CSRNP3: variants seen among roughly 807,000 people sequenced by gnomAD.
The protein encoded by CSRNP3 is cysteine/serine-rich nuclear protein 3.
In CSRNP3, 12 loss-of-function variants were observed where a neutral mutation model predicts 48.0. That is an observed-to-expected ratio of 0.25 (90% CI 0.16 to 0.41). The LOEUF is 0.41. Ranked by LOEUF, CSRNP3 falls within the 10% of genes least tolerant of loss-of-function variation. CSRNP3 has a pLI of 1.00. For missense variants in CSRNP3, 580 were observed against 724.4 expected, an observed-to-expected ratio of 0.80 and a Z score of 2.29; for synonymous variants, 263 against 269.7, an observed-to-expected ratio of 0.98 and a Z score of 0.24.
chr2:165,534,108 T>C (rs1684851721), intron 3 of CSRNP3, among the ~76,000 whole-genome samples: 1 of 152,070 alleles, frequency 6.6e-6, no homozygotes, highest in African/African-American at 2.4e-5. Context: ...AAAGGTTGTA[T>C]TGCTTTCTCA....
chr2:165,516,489 T>C (rs1417681098), intron 2 of CSRNP3, among the ~76,000 whole-genome samples: 1 of 152,128 alleles, frequency 6.6e-6, no homozygotes, highest in Non-Finnish European at 1.5e-5. Context: ...GATAACTATA[T>C]GAGGTAGTAT....
At chr2:165,653,327 A>C (rs2105343456) in intron 4 of CSRNP3, among the ~76,000 whole-genome samples, 1 of 152,304 alleles carries the variant, frequency 6.6e-6, no homozygotes, top group East Asian at 1.9e-4. Context: ...TGTTATGTAT[A>C]ATATGCAAAT....
At chr2:165,662,377 C>T (rs1461865889) in intron 5 of CSRNP3, among the ~76,000 whole-genome samples, 1 of 151,998 alleles carries the variant, frequency 6.6e-6, no homozygotes, top group Non-Finnish European at 1.5e-5. Context: ...CAAACATTGT[C>T]TATAAACAAC....
chr2:165,534,542 A>G (rs913211495), intron 3 of CSRNP3, among the ~76,000 whole-genome samples: 1 of 151,978 alleles, frequency 6.6e-6, no homozygotes, highest in Admixed American at 6.6e-5. Context: ...ACAGGTGCAT[A>G]GAGAATGTTC....
At chr2:165,599,286 A>G (rs1269830195) in intron 4 of CSRNP3, among the ~76,000 whole-genome samples, 1 of 80,610 alleles carries the variant, frequency 1.2e-5, no homozygotes, top group Non-Finnish European at 3.2e-5. Flanking sequence ...AGAGAGAGAG[A>G]AAGAAAGAAA....
At chr2:165,668,217 C>T (rs1316296718) in intron 5 of CSRNP3, among the ~76,000 whole-genome samples, 1 of 152,016 alleles carries the variant, frequency 6.6e-6, no homozygotes, top group African/African-American at 2.4e-5. Context: ...AAGAGTAATA[C>T]GTTAGCTCAA....
chr2:165,637,018 G>C (rs534736799), intron 4 of CSRNP3, among the ~76,000 whole-genome samples: 81 of 152,202 alleles, frequency 5.3e-4, no homozygotes, highest in African/African-American at 1.8e-3. Flanking sequence ...TGGTTGGCTT[G>C]TTTTGTTGTT....
chr2:165,666,910 C>G (rs141808652), intron 5 of CSRNP3, among the ~76,000 whole-genome samples: 1 of 25,042 alleles, frequency 4.0e-5, no homozygotes, highest in Non-Finnish European at 9.2e-5. Context: ...AAAGGAAGGG[C>G]GGAAGGAAGG....
rs1687583354 is a variant in CSRNP3 at position 165,683,723 on chromosome 2, A to G, written c.*3970A>G. 6.6e-6 allele frequency: 1 copy of G among 152,060 alleles called. No homozygotes were observed. Among genetic ancestry groups the G allele is most frequent in the African/African-American group, 2.4e-5 (1 of 41,436 alleles). 9.4% of individuals were successfully genotyped at this position (152,060 alleles called of 1,614,324 possible). On this transcript the variant is annotated 3_prime_UTR_variant, in exon 7 of 7. Coordinates refer to ENST00000651982, the MANE Select transcript of CSRNP3 (RefSeq NM_001172173.2). ...TAAAAAGAGGGGAACACTACAAATTATAATGGATAATATTAATGAAGGGTG... is the reference window on the plus strand; with the variant it reads ...TAAAAAGAGGGGAACACTACAAATTGTAATGGATAATATTAATGAAGGGTG...
intron 4 of CSRNP3, among the ~76,000 whole-genome samples, chr2:165,626,997 T>C (rs1686447051): frequency 6.6e-6 from 1 of 152,206 alleles, no homozygotes; most frequent in African/African-American, 2.4e-5. Flanking sequence ...ATTCCAGCTT[T>C]GTGCTTTTAT....
intron 1 of CSRNP3, among the ~76,000 whole-genome samples, chr2:165,484,810 C>T (rs1441508999): frequency 6.6e-6 from 1 of 152,130 alleles, no homozygotes; most frequent in Admixed American, 6.5e-5. Context: ...ATTACAACAT[C>T]GCAATTTTGG....
At chr2:165,503,602 T>A (rs1684386667) in intron 2 of CSRNP3, among the ~76,000 whole-genome samples, 1 of 152,028 alleles carries the variant, frequency 6.6e-6, no homozygotes, top group South Asian at 2.1e-4. Context: ...ATTTTTAAGC[T>A]AATAAACAAA....
chr2:165,545,080 G>A (rs1439431758), intron 3 of CSRNP3, among the ~76,000 whole-genome samples: 1 of 152,124 alleles, frequency 6.6e-6, no homozygotes, highest in African/African-American at 2.4e-5. Flanking sequence ...GTTTCTGATG[G>A]GTAATAAAAG....
chr2:165,527,707 G>A (rs1403568172), intron 3 of CSRNP3, among the ~76,000 whole-genome samples: 1 of 152,070 alleles, frequency 6.6e-6, no homozygotes, highest in Non-Finnish European at 1.5e-5. Flanking sequence ...ATTTTTAAAA[G>A]TAGGTATAGA....
chr2:165,535,833 A>G (rs1684874448), intron 3 of CSRNP3, among the ~76,000 whole-genome samples: 1 of 151,824 alleles, frequency 6.6e-6, no homozygotes, highest in Non-Finnish European at 1.5e-5. Flanking sequence ...GATGTTATAA[A>G]ATCCACATGG....
At chr2:165,472,612 A>G (rs1364024801) in intron 1 of CSRNP3, among the ~76,000 whole-genome samples, 3 of 151,946 alleles carry the variant, frequency 2.0e-5, no homozygotes, top group Non-Finnish European at 2.9e-5. Flanking sequence ...ATTTTTTTCA[A>G]ATCTCTCAGC....
At chr2:165,514,716 G>A (rs1289490942) in intron 2 of CSRNP3, among the ~76,000 whole-genome samples, 1 of 151,992 alleles carries the variant, frequency 6.6e-6, no homozygotes, top group Non-Finnish European at 1.5e-5. Context: ...TCCTCCTCCT[G>A]CTCCTTCTCC....
intron 3 of CSRNP3, among the ~76,000 whole-genome samples, chr2:165,571,459 T>A (rs974392148): frequency 4.0e-5 from 6 of 151,848 alleles, no homozygotes; most frequent in African/African-American, 9.7e-5. Context: ...TTTAAAAAAA[T>A]TTTTAGAAAG....
At chr2:165,608,657 T>C (rs1686070776) in intron 4 of CSRNP3, among the ~76,000 whole-genome samples, 1 of 152,140 alleles carries the variant, frequency 6.6e-6, no homozygotes, top group Non-Finnish European at 1.5e-5. Flanking sequence ...AAGGTTTTAC[T>C]GTCTTAAAAT....
Sources: allele counts gnomAD v4.1 joint callset (sites outside exome capture counted in the v4.1 genomes callset), GRCh38; gene constraint gnomAD v4.1.1; transcripts MANE v1.5; gene names NCBI Gene and HGNC (gene_info 2026-07-23, HGNC 2026-07-21).